WFDC10B: variants seen among roughly 807,000 people sequenced by gnomAD.
WFDC10B encodes the protein WAP four-disulfide core domain 10B, also known as protein WFDC10B.
A neutral mutation model predicts 2.7 loss-of-function variants in WFDC10B; 1 was observed. The observed-to-expected ratio is 0.38, with a 90% CI of 0.13 to 1.79. WFDC10B has a LOEUF of 1.79. WFDC10B is among the 40% of genes most tolerant of loss of function. The pLI is 0.33. For synonymous variants in WFDC10B, 26 were observed against 32.2 expected, an observed-to-expected ratio of 0.81 and a Z score of 0.65; for missense variants, 71 against 87.8, an observed-to-expected ratio of 0.81 and a Z score of 0.76.
At chr20:45,703,318 T>C (rs1260653349) in intron 2 of WFDC10B, among the ~76,000 whole-genome samples, 1 of 152,144 alleles carries the variant, frequency 6.6e-6, no homozygotes, top group Non-Finnish European at 1.5e-5. Context: ...GAGTACTAGT[T>C]ATTGGTCTCT....
chr20:45,695,510 G>A (rs1983950335), intron 2 of WFDC10B, among the ~76,000 whole-genome samples: 1 of 152,100 alleles, frequency 6.6e-6, no homozygotes, highest in Admixed American at 6.5e-5. Context: ...CTACATGTTA[G>A]GCCACAAAAC....
rs1983971172 is a variant in WFDC10B at position 45,696,185 on chromosome 20, C to T, written c.-65+8312G>A. Among the ~76,000 whole-genome samples, 3 of 150,278 alleles carry T rather than the reference C, an allele frequency of 2.0e-5. No homozygotes were observed. The Admixed American group carries it at 2.0e-4, about 10-fold the overall frequency. On this transcript the variant is annotated intron_variant, in intron 2 of 3. Transcript: ENST00000330523. ...CTTGTAGTCCCAGCTACTCAGGAGT[C>T]TGAGGCAGGAGAATCGCTTGAACCC... is the stretch of plus-strand genomic sequence containing the variant.
intron 2 of WFDC10B, among the ~76,000 whole-genome samples, chr20:45,691,750 G>T (rs1172437439): frequency 2.0e-5 from 3 of 152,078 alleles, no homozygotes; most frequent in South Asian, 2.1e-4. Flanking sequence ...TGAGATGGGT[G>T]TCCTGAATAC....
rs200606204 is a variant in WFDC10B at position 45,702,222 on chromosome 20, G to C, written c.-65+2275C>G. ...AGCAGCGTGTTCTGAGTAGGTGCTG[G>C]ATCTGGGCCCAAGGAGGGAAGTAAC... On this transcript the variant is annotated intron_variant, in intron 2 of 3. Coordinates refer to ENST00000330523, the MANE Select transcript of WFDC10B (RefSeq NM_172006.2). 726 of 1,608,980 alleles carry C rather than the reference G, an allele frequency of 4.5e-4. 2 individuals carry two copies. The highest frequency in any genetic ancestry group is 1.6e-4 in the Non-Finnish European group (190 of 1,177,736).
At chr20:45,690,237 T>G (rs978197833) in intron 2 of WFDC10B, among the ~76,000 whole-genome samples, 1 of 148,478 alleles carries the variant, frequency 6.7e-6, no homozygotes. Context: ...CTGGATTCGG[T>G]TTGCTAGTAT....
chr20:45,693,408 T>C (rs1216795288), intron 2 of WFDC10B, among the ~76,000 whole-genome samples: 5 of 152,328 alleles, frequency 3.3e-5, no homozygotes, highest in African/African-American at 9.6e-5. Flanking sequence ...CTGTCTTTGT[T>C]TGTCTGTGCC....
chr20:45,703,658 C>T (rs955406345), intron 2 of WFDC10B, among the ~76,000 whole-genome samples: 2 of 152,078 alleles, frequency 1.3e-5, no homozygotes, highest in East Asian at 1.9e-4. Context: ...GGGTTGTGGA[C>T]TTAGGGAAGA....
chr20:45,693,491 C>A (rs1038862724), intron 2 of WFDC10B, among the ~76,000 whole-genome samples: 1 of 152,350 alleles, frequency 6.6e-6, no homozygotes, highest in South Asian at 2.1e-4. Context: ...CCAGTTGGAG[C>A]TTCCCGGCTG....
intron 2 of WFDC10B, among the ~76,000 whole-genome samples, chr20:45,693,825 G>GCTGCACCCACTGAC (rs928625924): frequency 6.6e-6 from 1 of 152,186 alleles, no homozygotes; most frequent in African/African-American, 2.4e-5. Context: ...CGCACGGTGC[G>GCTGCACCCACTGAC]CTGCACCCAC....
At chr20:45,686,542 G>A (rs1005454192) in intron 2 of WFDC10B, among the ~76,000 whole-genome samples, 1 of 149,258 alleles carries the variant, frequency 6.7e-6, no homozygotes, top group African/African-American at 2.4e-5. Flanking sequence ...ATTTTTTTGG[G>A]GGGGGGCGGT....
At chr20:45,695,563 C>G (rs1327830467) in intron 2 of WFDC10B, among the ~76,000 whole-genome samples, 1 of 152,174 alleles carries the variant, frequency 6.6e-6, no homozygotes, top group Non-Finnish European at 1.5e-5. Context: ...TACAAACTAT[C>G]TTCTCCAGCC....
At chr20:45,701,509 C>T (rs573075146) in intron 2 of WFDC10B, among the ~76,000 whole-genome samples, 17 of 152,148 alleles carry the variant, frequency 1.1e-4, no homozygotes, top group South Asian at 1.0e-3. Context: ...CACCTGTAAT[C>T]CTAGCACTTT....
intron 2 of WFDC10B, among the ~76,000 whole-genome samples, chr20:45,695,101 A>G (rs1179513573): frequency 6.6e-6 from 1 of 152,200 alleles, no homozygotes; most frequent in Non-Finnish European, 1.5e-5. Context: ...GAGCTGTTTC[A>G]GCAAATTATC....
At chr20:45,699,110 C>A (rs1268115667) in intron 2 of WFDC10B, among the ~76,000 whole-genome samples, 1 of 151,996 alleles carries the variant, frequency 6.6e-6, no homozygotes, top group Non-Finnish European at 1.5e-5. Context: ...GCTATAATTT[C>A]TAAAAAGGAA....
intron 2 of WFDC10B, chr20:45,702,036 C>G: frequency 1.3e-5 from 17 of 1,267,096 alleles, no homozygotes; most frequent in Non-Finnish European, 1.8e-5. Flanking sequence ...CTCCACTTTG[C>G]CCTCTTTCCT....
At chr20:45,700,475 C>T (rs967349972) in intron 2 of WFDC10B, among the ~76,000 whole-genome samples, 3 of 151,936 alleles carry the variant, frequency 2.0e-5, no homozygotes, top group African/African-American at 4.8e-5. Flanking sequence ...CTAAACCAAA[C>T]AATATAAAAA....
At chr20:45,687,230 T>C (rs1983649218) in intron 2 of WFDC10B, among the ~76,000 whole-genome samples, 1 of 152,172 alleles carries the variant, frequency 6.6e-6, no homozygotes, top group South Asian at 2.1e-4. Context: ...CTCCCACTTA[T>C]AAGGGAGAAC....
chr20:45,689,992 T>G (rs1983755219), intron 2 of WFDC10B, among the ~76,000 whole-genome samples: 1 of 151,876 alleles, frequency 6.6e-6, no homozygotes, highest in South Asian at 2.1e-4. Context: ...CATAGATAGC[T>G]CTTATTATTT....
chr20:45,701,060 G>GT (rs1207936574), intron 2 of WFDC10B, among the ~76,000 whole-genome samples: 11 of 152,228 alleles, frequency 7.2e-5, no homozygotes, highest in Admixed American at 1.3e-4. Context: ...AAGAAACTTA[G>GT]TAAGATTGCC....
Sources: allele counts gnomAD v4.1 joint callset (sites outside exome capture counted in the v4.1 genomes callset), GRCh38; gene constraint gnomAD v4.1.1; transcripts MANE v1.5; gene names NCBI Gene and HGNC (gene_info 2026-07-23, HGNC 2026-07-21).